PAQR3: variants seen among roughly 807,000 people sequenced by gnomAD.
PAQR3 encodes Raf kinase trapping to Golgi.
In PAQR3, 39 loss-of-function variants were observed where a neutral mutation model predicts 41.7. That is an observed-to-expected ratio of 0.93 (90% CI 0.72 to 1.22). The LOEUF is 1.22. PAQR3 is among the 50% of genes most tolerant of loss of function. The pLI is 0.00. For synonymous variants in PAQR3, 140 were observed against 140.6 expected, an observed-to-expected ratio of 1.00 and a Z score of 0.03; for missense variants, 366 against 385.6, an observed-to-expected ratio of 0.95 and a Z score of 0.42.
chr4:78,922,525 AAATGT>A, intron 5 of PAQR3: 1 of 1,029,372 alleles, frequency 9.7e-7, no homozygotes, highest in Non-Finnish European at 1.3e-6. Flanking sequence ...TATGTACTCT[AAATGT>A]TATTTCTGAC....
exon 13 of PAQR3, chr4:78,887,276 C>G: frequency 6.2e-7 from 1 of 1,602,630 alleles, no homozygotes; most frequent in South Asian, 1.1e-5. Context: ...CCTTTCATTT[C>G]TCATTCAGGC....
chr4:78,925,341 G>A (rs947604693), intron 4 of PAQR3, among the ~76,000 whole-genome samples: 20 of 107,804 alleles, frequency 1.9e-4, no homozygotes, highest in Non-Finnish European at 3.4e-4. Context: ...ATCTACAGTG[G>A]CAGTTCCCCA....
downstream of PAQR3, among the ~76,000 whole-genome samples, chr4:78,908,716 CCTCTT>C (rs1206891591): frequency 6.6e-6 from 1 of 152,102 alleles, no homozygotes; most frequent in Non-Finnish European, 1.5e-5. Context: ...TTTTAGTACT[CCTCTT>C]CACTTTCCAA....
intron 1 of PAQR3, 35 bp downstream of exon 1, chr4:78,939,005 A>C: frequency 6.5e-7 from 1 of 1,541,014 alleles, no homozygotes; most frequent in Non-Finnish European, 8.8e-7. Flanking sequence ...AGGTGAGAGA[A>C]GGGGGCACTC....
chr4:78,919,739 C>T lies in PAQR3; in HGVS notation c.*800G>A. 3 of 984,882 alleles carry T rather than the reference C, an allele frequency of 3.0e-6. No homozygotes were observed. Among genetic ancestry groups the T allele is most frequent in the Non-Finnish European group, 3.6e-6 (3 of 829,574 alleles). The allele number at this position is 984,882 out of a possible 1,614,324, so 61.0% of individuals were successfully genotyped here. A position where few individuals can be genotyped will look rare whatever the true frequency, so the allele number is the denominator to read the frequency against. On this transcript the variant is annotated 3_prime_UTR_variant, in exon 6 of 6. Transcript: ENST00000512733. ...AATTTTGGGATCAAAAACCTGTAAT[C>T]CACTCACAAGAATTCAGTTATTATA... is the stretch of plus-strand genomic sequence containing the variant.
At chr4:78,925,607 T>C (rs1282796037) in intron 4 of PAQR3, among the ~76,000 whole-genome samples, 2 of 152,158 alleles carry the variant, frequency 1.3e-5, no homozygotes, top group African/African-American at 2.4e-5. Context: ...TTCATGCAAA[T>C]AAATGTAGGC....
At chr4:78,920,716 T>TCA in intron 5 of PAQR3, 35 bp from the exon 6 acceptor site, 1 of 1,586,214 alleles carries the variant, frequency 6.3e-7, no homozygotes, top group Non-Finnish European at 8.6e-7. Flanking sequence ...GATAATGATT[T>TCA]CAATATGTTG....
At chr4:78,930,111 G>T in intron 3 of PAQR3, 59 bp downstream of exon 3, 1 of 1,477,064 alleles carries the variant, frequency 6.8e-7, no homozygotes, top group Non-Finnish European at 9.2e-7. Context: ...AAAGAACCAA[G>T]GCAAGAAAAC....
chr4:78,912,172 CA>C lies in PAQR3; in HGVS notation c.*8366del. On this transcript the variant is annotated 3_prime_UTR_variant, in exon 6 of 6. Coordinates refer to ENST00000512733, the MANE Select transcript of PAQR3 (RefSeq NM_001040202.2). ...CAGAATAGGTGATTTCTAAATAAAC[CA>C]AATAGAAGAATGAAGTATCTCTACA... The C allele has an allele frequency of 3.9e-6, 3 of 777,186 alleles. No homozygotes were observed. In the South Asian group the frequency reaches 5.5e-5, roughly 14 times the overall value. The allele number at this position is 777,186 out of a possible 1,614,324, so 48.1% of individuals were successfully genotyped here.
rs1735030637 is a variant in PAQR3, at chr4:78,916,060, A to G, written c.*4479T>C. On this transcript the variant is annotated 3_prime_UTR_variant, in exon 6 of 6. Transcript: ENST00000512733. ...TAAAGCAAATTTACATCTTTATTGT[A>G]TTTCTACTTGTTACAAAACATACTT... The G allele has an allele frequency of 6.6e-6, 1 of 151,836 alleles. No individual in the cohort carries two copies. The allele number at this position is 151,836 out of a possible 1,614,324, so 9.4% of individuals were successfully genotyped here.
At chr4:78,910,830 T>A (rs370283196), downstream of PAQR3, 126 of 1,613,978 alleles carry the variant, frequency 7.8e-5, 1 homozygote, top group African/African-American at 3.6e-4. Flanking sequence ...AGCAAGATGA[T>A]GAAGAAGTTC....
At chr4:78,930,552 A>G (rs1229331522) in intron 2 of PAQR3, 3 of 338,144 alleles carry the variant, frequency 8.9e-6, no homozygotes, top group Admixed American at 4.7e-5. Flanking sequence ...TGTAGATAAT[A>G]ATAATGAAGG....
At chr4:78,927,472 G>GCCTGGACTC (rs1736359637) in intron 3 of PAQR3, among the ~76,000 whole-genome samples, 1 of 152,232 alleles carries the variant, frequency 6.6e-6, no homozygotes, top group Non-Finnish European at 1.5e-5. Context: ...GAGAGTGGGG[G>GCCTGGACTC]CTTGGACTCC....
chr4:78,887,421 T>C (rs1162510825), intron 12 of PAQR3: 3 of 672,842 alleles, frequency 4.5e-6, no homozygotes, highest in Non-Finnish European at 7.7e-6. Flanking sequence ...TTAGCCATCC[T>C]ACTCTTCTTA....
intron 11 of PAQR3, among the ~76,000 whole-genome samples, chr4:78,891,059 T>G (rs1451828986): frequency 6.6e-6 from 1 of 152,134 alleles, no homozygotes; most frequent in Non-Finnish European, 1.5e-5. Flanking sequence ...AAATAAACTT[T>G]GCTGCCTAAA....
Position 78,935,142 on chromosome 4 carries a change from A to C in PAQR3, c.327T>G (p.Ser109=). 6.2e-7 allele frequency: 1 copy of C among 1,613,360 alleles called. No individual in the cohort carries two copies. The highest frequency in any genetic ancestry group is 8.5e-7 in the Non-Finnish European group (1 of 1,179,754). ...TTACCTGGAAGCAGAAAAGACAAAT[A>C]GAACAAATTACAAAATCTTCTCTGG... The part of the protein sequence containing the change: ...SASREDFVIC[S]ICLFCFQVCM... The change falls in exon 2 of 6, where the codon TCT becomes TCG. Residue 109 remains serine (S), a synonymous_variant. Transcript: ENST00000512733.
chr4:78,924,840 C>T (rs948508475), intron 4 of PAQR3, among the ~76,000 whole-genome samples: 4 of 151,548 alleles, frequency 2.6e-5, no homozygotes, highest in Non-Finnish European at 4.4e-5. Flanking sequence ...GACTCTGTTT[C>T]AAAGAAATAA....
At chr4:78,934,236 T>C (rs1010356857) in intron 2 of PAQR3, among the ~76,000 whole-genome samples, 3 of 152,224 alleles carry the variant, frequency 2.0e-5, no homozygotes, top group African/African-American at 7.2e-5. Context: ...CTGTGTTTCT[T>C]GGCCATTGAA....
At chr4:78,901,881 T>G (rs1384993380) in intron 11 of PAQR3, among the ~76,000 whole-genome samples, 1 of 152,212 alleles carries the variant, frequency 6.6e-6, no homozygotes, top group Non-Finnish European at 1.5e-5. Flanking sequence ...TTAATTAGGC[T>G]TGGTGAACTT....
Sources: allele counts gnomAD v4.1 joint callset (sites outside exome capture counted in the v4.1 genomes callset), GRCh38; gene constraint gnomAD v4.1.1; transcripts MANE v1.5; gene names NCBI Gene and HGNC (gene_info 2026-07-23, HGNC 2026-07-21).